RBFOX1: variants seen among roughly 807,000 people sequenced by gnomAD.
RBFOX1 encodes RNA binding fox-1 homolog 1, also known as RNA binding protein fox-1 homolog 1.
A neutral mutation model predicts 57.7 loss-of-function variants in RBFOX1; 8 were observed. The ratio of observed to expected loss-of-function variants is 0.14; its 90% CI spans 0.08 to 0.25. The LOEUF (loss-of-function observed/expected upper bound fraction) is 0.25, where lower values mean the gene tolerates loss of function less well. RBFOX1 is among the 10% of genes least tolerant of loss of function. The pLI is 1.00. For synonymous variants in RBFOX1, 326 were observed against 222.4 expected (o/e 1.47, Z -4.15); for missense variants, 611 against 548.5 (o/e 1.11, Z -1.14).
At chr16:7,342,881 G>C (rs2096924989) in intron 4 of RBFOX1, among the ~76,000 whole-genome samples, 2 of 152,160 alleles carry the variant, frequency 1.3e-5, no homozygotes, top group African/African-American at 4.8e-5. Flanking sequence ...GCATCAGGGG[G>C]CCATGTCATT....
chr16:6,919,202 T>A lies in RBFOX1; in HGVS notation c.-15-132855T>A, dbSNP rs193215570. 7.9e-5 allele frequency among the ~76,000 whole-genome samples: 12 copies of A among 152,134 alleles called. No homozygotes were observed. The East Asian group carries it at 2.3e-3, about 29-fold the overall frequency. On this transcript the variant is annotated intron_variant, in intron 3 of 15. Transcript: ENST00000550418. ...TTCACCATGTTGGCCAGGCTGGTCTTGAACTCCTGACCTCAGGTGATCCGC... is the reference window on the plus strand; with the variant it reads ...TTCACCATGTTGGCCAGGCTGGTCTAGAACTCCTGACCTCAGGTGATCCGC...
intron 3 of RBFOX1, among the ~76,000 whole-genome samples, chr16:5,657,666 CTTTCTTTTCT>C (rs201626060): frequency 0.075 from 7,322 of 98,154 alleles, 358 homozygotes; most frequent in East Asian, 0.25. Context: ...TCTTTTCTTT[CTTTCTTTTCT>C]TTTCTTTCTT....
intron 4 of RBFOX1, among the ~76,000 whole-genome samples, chr16:7,200,971 A>G (rs1301415883): frequency 6.6e-6 from 1 of 152,238 alleles, no homozygotes; most frequent in Non-Finnish European, 1.5e-5. Context: ...AACTTCTTGT[A>G]TGGGAGAGAA....
intron 3 of RBFOX1, among the ~76,000 whole-genome samples, chr16:5,772,313 G>A (rs966188466): frequency 1.3e-5 from 2 of 152,094 alleles, no homozygotes; most frequent in East Asian, 1.9e-4. Flanking sequence ...TCCATGTAGA[G>A]TCTGTACGCC....
At chr16:7,465,655 T>C (rs1469776435) in intron 4 of RBFOX1, among the ~76,000 whole-genome samples, 1 of 152,228 alleles carries the variant, frequency 6.6e-6, no homozygotes, top group Non-Finnish European at 1.5e-5. Context: ...GCCCACTCTT[T>C]ACTGGAGTCT....
intron 1 of RBFOX1, among the ~76,000 whole-genome samples, chr16:5,326,667 A>G (rs1404570875): frequency 6.6e-6 from 1 of 152,234 alleles, no homozygotes; most frequent in Admixed American, 6.5e-5. Flanking sequence ...TTTATTTAGC[A>G]GAGGTTATCC....
Position 5,609,319 on chromosome 16 carries a change from G to C in RBFOX1, c.318+10358G>C, listed in dbSNP as rs12447382. Reference sequence around the variant, plus strand: ...AATGTGAATTTCCAATACGCCATCAGTCTATCCCATTACCAGCAAAACCCA... The same window carrying C: ...AATGTGAATTTCCAATACGCCATCACTCTATCCCATTACCAGCAAAACCCA... On this transcript the variant is annotated intron_variant, in intron 3 of 19. Transcript: ENST00000641259. 2.4e-3 allele frequency among the ~76,000 whole-genome samples: 362 copies of C among 152,264 alleles called. 1 individual carries two copies. Among genetic ancestry groups the C allele is most frequent in the African/African-American group, 8.2e-3 (339 of 41,576 alleles).
intron 3 of RBFOX1, among the ~76,000 whole-genome samples, chr16:5,674,708 G>T (rs543422355): frequency 2.6e-5 from 4 of 152,158 alleles, no homozygotes; most frequent in African/African-American, 9.7e-5. Flanking sequence ...GTTGGAGAAA[G>T]GTTTTGATTC....
chr16:7,066,642 CA>C (rs1482916849), intron 4 of RBFOX1, among the ~76,000 whole-genome samples: 1 of 152,098 alleles, frequency 6.6e-6, no homozygotes. Flanking sequence ...GACAATTTCC[CA>C]AAACTATAGC....
chr16:6,032,908 C>T (rs573839566), intron 1 of RBFOX1, among the ~76,000 whole-genome samples: 1 of 149,892 alleles, frequency 6.7e-6, no homozygotes, highest in South Asian at 2.1e-4. Flanking sequence ...TCCCTCTCTC[C>T]CAGCCATTGT....
At chr16:5,675,797 C>G (rs1163398482) in intron 3 of RBFOX1, among the ~76,000 whole-genome samples, 1 of 152,120 alleles carries the variant, frequency 6.6e-6, no homozygotes, top group Non-Finnish European at 1.5e-5. Flanking sequence ...CCTCTCCATT[C>G]TCCTCTGGCA....
intron 3 of RBFOX1, among the ~76,000 whole-genome samples, chr16:6,754,447 C>G (rs2075454567): frequency 6.6e-6 from 1 of 152,178 alleles, no homozygotes. Context: ...GTGAATGAAG[C>G]TCTTTCCTTT....
chr16:6,998,749 C>G (rs961053656), intron 3 of RBFOX1, among the ~76,000 whole-genome samples: 1 of 152,086 alleles, frequency 6.6e-6, no homozygotes, highest in Non-Finnish European at 1.5e-5. Flanking sequence ...ATCAGGCTCT[C>G]TTGAGAGAGT....
intron 4 of RBFOX1, among the ~76,000 whole-genome samples, chr16:7,375,643 C>A (rs1385737010): frequency 1.3e-5 from 2 of 152,022 alleles, no homozygotes; most frequent in African/African-American, 2.4e-5. Context: ...TAAACAGTAA[C>A]TGAAAGTCAT....
At chr16:6,934,358 T>TATGTGAGTA (rs2077032091) in intron 3 of RBFOX1, among the ~76,000 whole-genome samples, 1 of 152,174 alleles carries the variant, frequency 6.6e-6, no homozygotes, top group African/African-American at 2.4e-5. Context: ...ATGTAATAAA[T>TATGTGAGTA]ATGTGAGTAT....
chr16:5,537,313 A>G (rs571497623), intron 2 of RBFOX1, among the ~76,000 whole-genome samples: 12 of 152,292 alleles, frequency 7.9e-5, no homozygotes, highest in Middle Eastern at 3.4e-3. Flanking sequence ...ACATTTTTAG[A>G]TGTTTGTTAC....
chr16:6,821,375 T>A (rs919331944), intron 3 of RBFOX1, among the ~76,000 whole-genome samples: 1 of 152,238 alleles, frequency 6.6e-6, no homozygotes, highest in African/African-American at 2.4e-5. Context: ...GATACTGTTT[T>A]ATTTTAAAAA....
At chr16:6,138,067 T>G (rs2152692988) in intron 1 of RBFOX1, among the ~76,000 whole-genome samples, 1 of 152,344 alleles carries the variant, frequency 6.6e-6, no homozygotes, top group Non-Finnish European at 1.5e-5. Flanking sequence ...CACAGGTTAT[T>G]TGTTTAACCC....
intron 4 of RBFOX1, among the ~76,000 whole-genome samples, chr16:7,507,480 C>G (rs1165776800): frequency 6.6e-6 from 1 of 151,976 alleles, no homozygotes; most frequent in African/African-American, 2.4e-5. Context: ...TTGACAGTGC[C>G]CATCCCTGGA....
Sources: allele counts gnomAD v4.1 joint callset (sites outside exome capture counted in the v4.1 genomes callset), GRCh38; gene constraint gnomAD v4.1.1; transcripts MANE v1.5; gene names NCBI Gene and HGNC (gene_info 2026-07-23, HGNC 2026-07-21).